IL17RE: variants seen among roughly 807,000 people sequenced by gnomAD.
IL17RE encodes the protein interleukin-17 receptor E.
A neutral mutation model predicts 70.7 loss-of-function variants in IL17RE; 47 were observed. That is an observed-to-expected ratio of 0.67 (90% confidence interval 0.53 to 0.85). The LOEUF (loss-of-function observed/expected upper bound fraction) is 0.85. Ranked by LOEUF, IL17RE falls within the 40% of genes least tolerant of loss-of-function variation. The pLI, the probability that IL17RE is intolerant of heterozygous loss-of-function variation, is 0.00. For missense variants in IL17RE, 850 were observed against 893.9 expected (o/e 0.95, Z 0.63); for synonymous variants, 372 against 381.2 (o/e 0.98, Z 0.28).
intron 12 of IL17RE, 173 bp downstream of exon 12, chr3:9,911,770 GT>G (rs2125089003): frequency 1.7e-6 from 1 of 573,118 alleles, no homozygotes. Flanking sequence ...CTGACAGTAG[GT>G]TCCTCAAGGG....
In IL17RE at chr3:9,915,283, C is replaced by T; in HGVS notation, c.1480C>T (p.His494Tyr). 7.1e-7 allele frequency: 1 copy of T among 1,408,766 alleles called. No homozygotes were observed. Among genetic ancestry groups the T allele is most frequent in the Non-Finnish European group, 9.2e-7 (1 of 1,089,098 alleles). 87.3% of individuals were successfully genotyped at this position (1,408,766 alleles called of 1,614,324 possible). A position where few individuals can be genotyped will look rare whatever the true frequency, so the allele number is the denominator to read the frequency against. Residue 494 changes from histidine to tyrosine, a missense_variant, in exon 16 of 16, where the codon CAC becomes TAC. Coordinates refer to ENST00000383814, the MANE Select transcript of IL17RE (RefSeq NM_153480.2). This position sits in a 1 kb window ranked among gnomAD's most constrained non-coding sequence, Gnocchi z 4.9. ...PGPARPVLLL[H>Y]AADSEAQRRL... ...CCCAGCGCGGCCAGTGCTCCTCCTG[C>T]ACGCGGCGGACTCGGAGGCGCAGCG...
chr3:9,911,673 C>A (rs2082896860), intron 12 of IL17RE, 76 bp downstream of exon 12: 1 of 1,359,620 alleles, frequency 7.4e-7, no homozygotes, highest in Non-Finnish European at 1.0e-6. Flanking sequence ...TTGAGATAGA[C>A]CCTGGGAAGG....
At chr3:9,903,301 C>A in intron 1 of IL17RE, 96 bp from the exon 2 acceptor site, 2 of 1,421,078 alleles carry the variant, frequency 1.4e-6, no homozygotes, top group Non-Finnish European at 2.0e-6. Flanking sequence ...TCAGAATTTG[C>A]TGATTTGAAG....
intron 12 of IL17RE, among the ~76,000 whole-genome samples, chr3:9,913,117 A>T (rs2082930887): frequency 6.6e-6 from 1 of 152,186 alleles, no homozygotes. Flanking sequence ...AAAAATGAAG[A>T]AAGTAGGCCA....
Position 9,915,882 on chromosome 3 carries a change from T to C in IL17RE, c.*75T>C. Reference sequence around the variant, plus strand: ...ACTGGCTGGAACCCCGGAATGAGCCTTCGACCCTGAAATCCTTGGGGTGCC... The same window carrying C: ...ACTGGCTGGAACCCCGGAATGAGCCCTCGACCCTGAAATCCTTGGGGTGCC... On this transcript the variant is annotated 3_prime_UTR_variant, in exon 16 of 16. Transcript: ENST00000383814. This position sits in a 1 kb window ranked among gnomAD's most constrained non-coding sequence, Gnocchi z 4.9. 1 of 1,427,968 alleles carries C rather than the reference T, an allele frequency of 7.0e-7. No homozygotes were observed. Among genetic ancestry groups the C allele is most frequent in the South Asian group, 1.5e-5 (1 of 67,156 alleles). 88.5% of individuals were successfully genotyped at this position (1,427,968 alleles called of 1,614,324 possible).
At chr3:9,908,399 G>A in intron 7 of IL17RE, 92 bp downstream of exon 7, 1 of 1,107,440 alleles carries the variant, frequency 9.0e-7, no homozygotes, top group African/African-American at 1.5e-5. Flanking sequence ...AGTAAATTGG[G>A]TTTAAAAAGA....
chr3:9,903,509 G>A (rs1248642384), intron 2 of IL17RE, 97 bp downstream of exon 2: 2 of 1,355,326 alleles, frequency 1.5e-6, no homozygotes, highest in Admixed American at 3.5e-5. Context: ...TCCCAACCCG[G>A]GAAGTAGCAC....
rs1366037766 is a variant in IL17RE, at chr3:9,911,285, T to A, written c.1057T>A (p.Cys353Ser). The A allele has an allele frequency of 1.2e-6, 2 of 1,614,220 alleles. No homozygotes were observed. The highest frequency in any genetic ancestry group is 1.7e-6 in the Non-Finnish European group (2 of 1,180,028). ...FSFGNSSHVE[C>S]PHQTGSLTSW... Reference sequence around the variant, plus strand: ...TTTTGGAAACAGCAGCCATGTTGAATGCCCCCACCAGACTGGTGAGTCAAT... The same window carrying A: ...TTTTGGAAACAGCAGCCATGTTGAAAGCCCCCACCAGACTGGTGAGTCAAT... The change falls in exon 11 of 16, where the codon TGC (cysteine) becomes AGC (serine). Residue 353 changes from cysteine (C) to serine (S), a missense_variant. Transcript: ENST00000383814.
At position 9,915,692 on chromosome 3, in the gene IL17RE, C is replaced by T; in HGVS notation, c.1889C>T (p.Pro630Leu). Residue 630 changes from proline (P) to leucine (L), a missense_variant, in exon 16 of 16, where the codon CCT becomes CTT. Pro to Leu is a moderately conservative substitution (Grantham distance 98). Coordinates refer to ENST00000383814, the MANE Select transcript of IL17RE (RefSeq NM_153480.2). The surrounding 1 kb of genome is among the most constrained non-coding windows in gnomAD (Gnocchi z 4.9). ...PRLLRALDAR[P>L]FAEATSWGRL... is the part of the protein sequence containing the mutation. Reference sequence around the variant, plus strand: ...CTGCTGCGGGCGCTGGACGCGCGGCCTTTCGCAGAGGCCACCAGCTGGGGC... The same window carrying T: ...CTGCTGCGGGCGCTGGACGCGCGGCTTTTCGCAGAGGCCACCAGCTGGGGC... 7.2e-7 allele frequency: 1 copy of T among 1,391,544 alleles called. No individual in the cohort carries two copies. The highest frequency in any genetic ancestry group is 9.2e-7 in the Non-Finnish European group (1 of 1,082,388). 86.2% of individuals were successfully genotyped at this position (1,391,544 alleles called of 1,614,324 possible). A position where few individuals can be genotyped will look rare whatever the true frequency, so the allele number is the denominator to read the frequency against.
chr3:9,903,215 C>A, intron 1 of IL17RE, 151 bp downstream of exon 1: 1 of 960,284 alleles, frequency 1.0e-6, no homozygotes, highest in Non-Finnish European at 1.6e-6. Flanking sequence ...TAGCCAAGGT[C>A]CTTTGTGCTG....
Position 9,915,924 on chromosome 3 carries a change from G to A in IL17RE, c.*117G>A. 1.5e-6 allele frequency: 2 copies of A among 1,331,484 alleles called. No individual in the cohort carries two copies. Among genetic ancestry groups the A allele is most frequent in the East Asian group, 3.0e-5 (1 of 32,836 alleles). The allele number at this position is 1,331,484 out of a possible 1,614,324, so 82.5% of individuals were successfully genotyped here. A position where few individuals can be genotyped will look rare whatever the true frequency, so the allele number is the denominator to read the frequency against. Reference sequence around the variant, plus strand: ...TGGGGTGCCTCGAGGACGACTGGCCGAAAAGCCGCATTCCCTGCCTCACAG... The same window carrying A: ...TGGGGTGCCTCGAGGACGACTGGCCAAAAAGCCGCATTCCCTGCCTCACAG... On this transcript the variant is annotated 3_prime_UTR_variant, in exon 16 of 16. Coordinates refer to ENST00000383814, the MANE Select transcript of IL17RE (RefSeq NM_153480.2). This position sits in a 1 kb window ranked among gnomAD's most constrained non-coding sequence, Gnocchi z 4.9.
At position 9,910,937 on chromosome 3, in the gene IL17RE, C is replaced by T; in HGVS notation, c.875C>T (p.Thr292Ile). 1.2e-6 allele frequency: 2 copies of T among 1,614,200 alleles called. No homozygotes were observed. The highest frequency in any genetic ancestry group is 1.7e-6 in the Non-Finnish European group (2 of 1,180,042). ...SQHTQMVMAL[T>I]LRCPLKLEAA... ...CACACTCAGATGGTCATGGCCCTGACACTCCGCTGCCCACTGAAGCTGGAA... is the reference window on the plus strand; with the variant it reads ...CACACTCAGATGGTCATGGCCCTGATACTCCGCTGCCCACTGAAGCTGGAA... The change falls in exon 9 of 16, where the codon ACA becomes ATA. Residue 292 changes from threonine (T) to isoleucine (I), a missense_variant. Thr to Ile is a moderately conservative substitution (Grantham distance 89). Coordinates refer to ENST00000383814, the MANE Select transcript of IL17RE (RefSeq NM_153480.2).
At position 9,916,010 on chromosome 3, in the gene IL17RE, C is replaced by A; in HGVS notation, c.*203C>A. 1.1e-6 allele frequency: 1 copy of A among 896,546 alleles called. No individual in the cohort carries two copies. The allele number at this position is 896,546 out of a possible 1,614,324, so 55.5% of individuals were successfully genotyped here. A position where few individuals can be genotyped will look rare whatever the true frequency, so the allele number is the denominator to read the frequency against. On this transcript the variant is annotated 3_prime_UTR_variant, in exon 16 of 16. Coordinates refer to ENST00000383814, the MANE Select transcript of IL17RE (RefSeq NM_153480.2). ...TCTTCCTCCTCATACTTTCCCTTGA[C>A]TGAGAGCTCCTCTAACCCCTGTTCT...
intron 6 of IL17RE, 66 bp from the exon 7 acceptor site, chr3:9,908,173 C>A: frequency 2.3e-6 from 3 of 1,332,894 alleles, no homozygotes; most frequent in Non-Finnish European, 3.2e-6. Flanking sequence ...CACTGTTCTG[C>A]CCTTGTCTAT....
In IL17RE at chr3:9,915,656, A is replaced by C. The variant is rs747700317; in HGVS notation, c.1853A>C (p.Asp618Ala). Reference protein sequence around the residue: ...RALPRYRLLRDLPRLLRALDA... With the variant: ...RALPRYRLLRALPRLLRALDA... ...CTGCCGCGCTACCGCCTGCTGCGCG[A>C]CCTGCCGCGTCTGCTGCGGGCGCTG... The change falls in exon 16 of 16, where the codon GAC becomes GCC. Residue 618 changes from aspartate (D) to alanine (A), a missense_variant. Asp to Ala is a moderately radical substitution (Grantham distance 126). Coordinates refer to ENST00000383814, the MANE Select transcript of IL17RE (RefSeq NM_153480.2). This position sits in a 1 kb window ranked among gnomAD's most constrained non-coding sequence, Gnocchi z 4.9. The C allele has an allele frequency of 2.8e-5, 39 of 1,404,862 alleles. No individual in the cohort carries two copies. Among genetic ancestry groups the C allele is most frequent in the Non-Finnish European group, 2.8e-6 (3 of 1,086,178 alleles). 87.0% of individuals were successfully genotyped at this position (1,404,862 alleles called of 1,614,324 possible). A position where few individuals can be genotyped will look rare whatever the true frequency, so the allele number is the denominator to read the frequency against.
chr3:9,904,068 C>T lies in IL17RE; in HGVS notation c.185C>T (p.Ala62Val). The T allele has an allele frequency of 6.2e-7, 1 of 1,614,198 alleles. No homozygotes were observed. Residue 62 changes from alanine (A) to valine (V), a missense_variant, in exon 3 of 16, where the codon GCC (alanine) becomes GTC (valine). By Grantham distance (64) the Ala-to-Val change is moderately conservative (BLOSUM62 0). Transcript: ENST00000383814. ...TATATCCCTTGCCGCACCTGGTGGG[C>T]CCTCTTCTCCACAAAGCCTTGGTGT... The part of the protein sequence containing the change: ...SAYIPCRTWW[A>V]LFSTKPWCVR...
Position 9,915,136 on chromosome 3 carries a change from G to A in IL17RE, c.1448-115G>A. ...GGTACCAACCCCCAGAGCAAATAAG[G>A]GGCGGGGGCGGGGGCGGAGAGGCGA... On this transcript the variant is annotated intron_variant, in intron 15 of 15. Transcript: ENST00000383814. The surrounding 1 kb of genome is among the most constrained non-coding windows in gnomAD (Gnocchi z 4.9). The A allele has an allele frequency of 2.3e-6, 3 of 1,285,772 alleles. 1 individual carries two copies. The highest frequency in any genetic ancestry group is 9.8e-7 in the Non-Finnish European group (1 of 1,016,980). 79.6% of individuals were successfully genotyped at this position (1,285,772 alleles called of 1,614,324 possible). A position where few individuals can be genotyped will look rare whatever the true frequency, so the allele number is the denominator to read the frequency against.
Position 9,906,864 on chromosome 3 carries a change from A to G in IL17RE, c.525A>G (p.Gly175=). 6.2e-7 allele frequency: 1 copy of G among 1,614,180 alleles called. No individual in the cohort carries two copies. The highest frequency in any genetic ancestry group is 8.5e-7 in the Non-Finnish European group (1 of 1,180,026). The change falls in exon 5 of 16, where the codon GGA becomes GGG. Residue 175 remains glycine (G), a splice_region_variant and synonymous_variant. Coordinates refer to ENST00000383814, the MANE Select transcript of IL17RE (RefSeq NM_153480.2). ...SLPRLDSQRH[G]GPEFSFDLLP... is the part of the protein sequence containing the mutation. ...CCAGATTGGACTCACAAAGGCATGG[A>G]GGTGGGCACTGGGTACAACAGGAGA...
chr3:9,909,389 A>C, intron 8 of IL17RE, 106 bp downstream of exon 8: 7 of 1,040,302 alleles, frequency 6.7e-6, no homozygotes, highest in Non-Finnish European at 8.8e-6. Context: ...CACTTCACAC[A>C]TGTGCTGGGG....
Sources: gnomAD v4.1 joint callset for allele counts (sites outside exome capture counted in the v4.1 genomes callset) on GRCh38, gnomAD v4.1.1 for gene constraint, Gnocchi (gnomAD v3.1) non-coding constraint, MANE v1.5 for transcripts, NCBI Gene and HGNC (gene_info 2026-07-23, HGNC 2026-07-21) for gene names.